SHC3: variants seen among roughly 807,000 people sequenced by gnomAD.
The protein encoded by SHC3 is SHC adaptor protein 3.
A neutral mutation model predicts 60.4 loss-of-function variants in SHC3; 15 were observed. The ratio of observed to expected loss-of-function variants is 0.25; its 90% confidence interval spans 0.17 to 0.38. SHC3 has a LOEUF of 0.38. Among genes scored for constraint, SHC3 ranks in the 10% least tolerant of loss-of-function variants. The pLI, the probability that SHC3 is intolerant of heterozygous loss-of-function variation, is 1.00. For missense variants in SHC3, 677 were observed against 786.1 expected, an observed-to-expected ratio of 0.86 and a Z score of 1.66; for synonymous variants, 294 against 325.9, an observed-to-expected ratio of 0.90 and a Z score of 1.05.
chr9:89,046,012 G>A (rs1180646649), intron 8 of SHC3, among the ~76,000 whole-genome samples, 179 bp from the exon 9 acceptor site: 1 of 151,886 alleles, frequency 6.6e-6, no homozygotes, highest in African/African-American at 2.4e-5. Flanking sequence ...AGTTTGTGTG[G>A]GTGTGAGGAA....
At chr9:89,091,954 T>A (rs1825627998) in intron 2 of SHC3, among the ~76,000 whole-genome samples, 1 of 152,128 alleles carries the variant, frequency 6.6e-6, no homozygotes, top group Non-Finnish European at 1.5e-5. Flanking sequence ...GTAAGTGAAG[T>A]GAACAGGTAA....
intron 1 of SHC3, among the ~76,000 whole-genome samples, chr9:89,133,865 C>G (rs1416789302): frequency 1.3e-5 from 2 of 152,054 alleles, no homozygotes; most frequent in Non-Finnish European, 2.9e-5. Flanking sequence ...ACATATGTAA[C>G]AAACCTGCAT....
chr9:89,015,367 G>A (rs1826076468), intron 11 of SHC3, among the ~76,000 whole-genome samples: 1 of 152,188 alleles, frequency 6.6e-6, no homozygotes, highest in African/African-American at 2.4e-5. Flanking sequence ...TCTCAATGTG[G>A]TCTCACCTCC....
chr9:89,035,864 T>TATATATATA (rs1462006154), intron 11 of SHC3, among the ~76,000 whole-genome samples: 1 of 53,070 alleles, frequency 1.9e-5, no homozygotes, highest in Non-Finnish European at 3.7e-5. Flanking sequence ...TGTGTGTGTG[T>TATATATATA]GTGTGTGTGT....
chr9:89,063,849 A>G (rs1170497178), intron 6 of SHC3, among the ~76,000 whole-genome samples: 1 of 152,240 alleles, frequency 6.6e-6, no homozygotes, highest in African/African-American at 2.4e-5. Flanking sequence ...GGGAACACAG[A>G]GTGAGTATCT....
intron 10 of SHC3, among the ~76,000 whole-genome samples, chr9:89,040,583 A>C (rs1015779589): frequency 6.6e-6 from 1 of 152,230 alleles, no homozygotes. Flanking sequence ...TGGTCTAACC[A>C]GACATGGAAC....
intron 2 of SHC3, among the ~76,000 whole-genome samples, chr9:89,108,063 A>G (rs1332821975): frequency 2.0e-5 from 3 of 152,178 alleles, no homozygotes; most frequent in African/African-American, 7.2e-5. Flanking sequence ...CCAATTGCCT[A>G]CAGAATTTGG....
intron 2 of SHC3, among the ~76,000 whole-genome samples, chr9:89,108,558 CACAT>C (rs1361709799): frequency 1.3e-5 from 2 of 151,938 alleles, no homozygotes; most frequent in African/African-American, 4.8e-5. Context: ...CACACACACA[CACAT>C]ACACACATAC....
intron 1 of SHC3, among the ~76,000 whole-genome samples, chr9:89,157,148 C>A (rs138961935): frequency 3.3e-5 from 5 of 152,186 alleles, no homozygotes; most frequent in African/African-American, 9.7e-5. Context: ...CCACTACAAA[C>A]CTCAATAAAT....
chr9:89,071,926 T>C (rs554009088), intron 4 of SHC3, among the ~76,000 whole-genome samples: 40 of 152,332 alleles, frequency 2.6e-4, no homozygotes, highest in Non-Finnish European at 3.5e-4. Flanking sequence ...GTTGTGCATC[T>C]GGATCAAGCC....
At chr9:89,166,183 G>A (rs1014641596) in intron 1 of SHC3, among the ~76,000 whole-genome samples, 1 of 152,000 alleles carries the variant, frequency 6.6e-6, no homozygotes, top group African/African-American at 2.4e-5. Flanking sequence ...CCATTATTTG[G>A]GCTCCATTTC....
chr9:89,105,176 C>T (rs188936525), intron 2 of SHC3, among the ~76,000 whole-genome samples: 2 of 152,214 alleles, frequency 1.3e-5, no homozygotes, highest in Admixed American at 1.3e-4. Flanking sequence ...TAATGATGCC[C>T]CTCTGTACTT....
intron 1 of SHC3, among the ~76,000 whole-genome samples, chr9:89,122,788 T>A (rs1826110501): frequency 6.6e-6 from 1 of 151,822 alleles, no homozygotes; most frequent in African/African-American, 2.4e-5. Flanking sequence ...GCTGCTAGGG[T>A]GGGGAGTCAG....
chr9:89,084,977 G>A (rs1321844140), intron 2 of SHC3, among the ~76,000 whole-genome samples: 1 of 152,208 alleles, frequency 6.6e-6, no homozygotes, highest in Admixed American at 6.5e-5. Context: ...TGTCTTCACT[G>A]CCAGTTTTTA....
chr9:89,152,372 C>A (rs959375867), intron 1 of SHC3, among the ~76,000 whole-genome samples: 1 of 152,180 alleles, frequency 6.6e-6, no homozygotes, highest in Non-Finnish European at 1.5e-5. Flanking sequence ...ATTTACAGGA[C>A]CATTTGAAAT....
At chr9:89,070,345 T>G (rs1470493140) in intron 5 of SHC3, among the ~76,000 whole-genome samples, 1 of 152,228 alleles carries the variant, frequency 6.6e-6, no homozygotes, top group East Asian at 1.9e-4. Context: ...CTCTCCCTTC[T>G]GGAAAGGGCT....
At chr9:89,050,584 C>G (rs2117920142) in intron 7 of SHC3, among the ~76,000 whole-genome samples, 2 of 152,310 alleles carry the variant, frequency 1.3e-5, no homozygotes, top group African/African-American at 4.8e-5. Context: ...CTGTGCCCGG[C>G]CTTGTGTATG....
At chr9:89,128,614 C>T (rs78163324) in intron 1 of SHC3, among the ~76,000 whole-genome samples, 14,680 of 152,226 alleles carry the variant, frequency 0.096, 836 homozygotes, top group African/African-American at 0.15. Flanking sequence ...CTTCAGCCTC[C>T]GCTGGTGATA....
chr9:89,151,789 A>G (rs1427369688), intron 1 of SHC3, among the ~76,000 whole-genome samples: 1 of 152,232 alleles, frequency 6.6e-6, no homozygotes, highest in Non-Finnish European at 1.5e-5. Flanking sequence ...AATAAGGGCT[A>G]AAATAATTCA....
Sources: allele counts gnomAD v4.1 joint callset (sites outside exome capture counted in the v4.1 genomes callset), GRCh38; gene constraint gnomAD v4.1.1; transcripts MANE v1.5; gene names NCBI Gene and HGNC (gene_info 2026-07-23, HGNC 2026-07-21).